SH3BP4: variants seen among roughly 807,000 people sequenced by gnomAD.
SH3BP4 encodes SH3 domain binding protein 4.
A neutral mutation model predicts 65.5 loss-of-function variants in SH3BP4; 33 were observed. That is an observed-to-expected ratio of 0.50 (90% confidence interval 0.38 to 0.67). The LOEUF (loss-of-function observed/expected upper bound fraction) is 0.67. Ranked by LOEUF, SH3BP4 falls within the 30% of genes least tolerant of loss-of-function variation. The pLI is 0.00. For missense variants in SH3BP4, 1,134 were observed against 1,261.4 expected (o/e 0.90, Z 1.53); for synonymous variants, 552 against 545.5 (o/e 1.01, Z -0.17).
intron 1 of SH3BP4, among the ~76,000 whole-genome samples, chr2:234,988,720 G>A (rs1036460031): frequency 1.3e-5 from 2 of 152,142 alleles, no homozygotes; most frequent in Non-Finnish European, 2.9e-5. Flanking sequence ...CGGTGTGTAG[G>A]GGGGACGCAT....
chr2:235,016,776 TG>T (rs1694696878), intron 2 of SH3BP4, among the ~76,000 whole-genome samples: 1 of 152,268 alleles, frequency 6.6e-6, no homozygotes, highest in South Asian at 2.1e-4. Context: ...CCCGAAGTGC[TG>T]GGATAACAGG....
chr2:235,031,823 A>G (rs1176737601), intron 2 of SH3BP4, among the ~76,000 whole-genome samples: 2 of 152,242 alleles, frequency 1.3e-5, no homozygotes. Context: ...CCTAGGCCCC[A>G]CCAGGGCTGG....
rs1361531086 is a variant in SH3BP4, at chr2:234,952,784, G to A, written c.-207+614G>A. 2 of 152,204 alleles carry A rather than the reference G, an allele frequency of 1.3e-5. No homozygotes were observed. Among genetic ancestry groups the A allele is most frequent in the Non-Finnish European group, 2.9e-5 (2 of 68,042 alleles). 9.4% of individuals were successfully genotyped at this position (152,204 alleles called of 1,614,324 possible). On this transcript the variant is annotated intron_variant, in intron 1 of 5. Transcript: ENST00000392011. The surrounding 1 kb of genome is among the most constrained non-coding windows in gnomAD (Gnocchi z 6.5). ...GGCGATCGGGTGACCGAGCAGCCGC[G>A]AGGTGACAGCGCCGGCGGCCCGCGG...
In SH3BP4 at chr2:235,034,698, C is replaced by T. The variant is rs538012395; in HGVS notation, c.-132-173C>T. ...GCCAATGAGACAAGCACAAAGTGGG[C>T]ACAGAGGCCAAGGAGCAAGCGCTGC... is the stretch of plus-strand genomic sequence containing the variant. On this transcript the variant is annotated intron_variant, in intron 2 of 5. Coordinates refer to ENST00000392011, the MANE Select transcript of SH3BP4 (RefSeq NM_014521.3). This position sits in a 1 kb window ranked among gnomAD's most constrained non-coding sequence, Gnocchi z 6.2. 5.3e-5 allele frequency among the ~76,000 whole-genome samples: 8 copies of T among 152,294 alleles called. No individual in the cohort carries two copies. Among genetic ancestry groups the T allele is most frequent in the African/African-American group, 1.4e-4 (6 of 41,560 alleles).
chr2:235,044,697 C>T (rs1484755140), intron 4 of SH3BP4, among the ~76,000 whole-genome samples: 1 of 152,230 alleles, frequency 6.6e-6, no homozygotes, highest in Admixed American at 6.5e-5. Context: ...TCTGGGAGAG[C>T]CCAGAGTGTC....
chr2:235,050,845 G>T (rs1293731418), intron 4 of SH3BP4, among the ~76,000 whole-genome samples: 2 of 152,100 alleles, frequency 1.3e-5, no homozygotes, highest in Middle Eastern at 3.2e-3. Context: ...TGGCGGGGGT[G>T]GGGGGTTGTT....
chr2:235,038,354 AT>A (rs1314166536), intron 3 of SH3BP4, among the ~76,000 whole-genome samples: 35 of 21,528 alleles, frequency 1.6e-3, no homozygotes, highest in African/African-American at 9.4e-3. Context: ...TATATTTTAT[AT>A]ATATATATAT....
At chr2:235,024,877 C>T (rs10166724) in intron 2 of SH3BP4, among the ~76,000 whole-genome samples, 3,858 of 152,134 alleles carry the variant, frequency 0.025, 167 homozygotes, top group African/African-American at 0.087. Context: ...CGAAGCTTTG[C>T]GGTCTTAAGT....
chr2:234,993,710 C>G (rs1693824450), intron 1 of SH3BP4, among the ~76,000 whole-genome samples: 1 of 152,216 alleles, frequency 6.6e-6, no homozygotes, highest in African/African-American at 2.4e-5. Context: ...CTTGACATGA[C>G]TCTTTGGAGA....
chr2:234,970,463 T>C (rs2106247021), intron 1 of SH3BP4, among the ~76,000 whole-genome samples: 1 of 152,338 alleles, frequency 6.6e-6, no homozygotes, highest in South Asian at 2.1e-4. Flanking sequence ...AAATGAGCAG[T>C]TTAGACAGTT....
intron 1 of SH3BP4, among the ~76,000 whole-genome samples, chr2:234,970,889 G>C (rs967879823): frequency 6.6e-6 from 1 of 151,744 alleles, no homozygotes; most frequent in South Asian, 2.1e-4. Context: ...AGGTTATCAC[G>C]CCCAGATTGA....
intron 2 of SH3BP4, chr2:234,995,924 A>C (rs1693901513): frequency 6.6e-6 from 1 of 152,286 alleles, no homozygotes; most frequent in Non-Finnish European, 1.5e-5. Context: ...CTGGCAAAAA[A>C]TGTTCCAAGG....
At chr2:235,010,541 G>C (rs900163497) in intron 2 of SH3BP4, among the ~76,000 whole-genome samples, 12 of 152,188 alleles carry the variant, frequency 7.9e-5, no homozygotes, top group Non-Finnish European at 1.8e-4. Flanking sequence ...AAAGCTTTTA[G>C]AATGGTGCCT....
chr2:234,955,278 C>G (rs1692561056), intron 1 of SH3BP4, among the ~76,000 whole-genome samples: 1 of 152,182 alleles, frequency 6.6e-6, no homozygotes, highest in Admixed American at 6.5e-5. Flanking sequence ...AACGTTTACA[C>G]TCAGCTTCTG....
At position 234,957,919 on chromosome 2, in the gene SH3BP4, G is replaced by A. The variant is rs1692624493; in HGVS notation, c.-207+5749G>A. The stretch of plus-strand genomic sequence containing the variant: ...GGTGAGGAAGTGCTGGGCTAGGAGA[G>A]GCAGGCGGAGCCCATCTTCCCCCCA... On this transcript the variant is annotated intron_variant, in intron 1 of 5. Coordinates refer to ENST00000392011, the MANE Select transcript of SH3BP4 (RefSeq NM_014521.3). 1.2e-4 allele frequency among the ~76,000 whole-genome samples: 19 copies of A among 152,160 alleles called. 1 individual carries two copies. The highest frequency in any genetic ancestry group is 1.2e-3 in the Admixed American group (18 of 15,280).
At chr2:234,979,856 C>G (rs571154284) in intron 1 of SH3BP4, 2 of 147,156 alleles carry the variant, frequency 1.4e-5, no homozygotes, top group African/African-American at 5.1e-5. Flanking sequence ...GACCCCTCCC[C>G]AGTCTAGCCT....
At chr2:235,005,125 C>T in intron 2 of SH3BP4, among the ~76,000 whole-genome samples, 1 of 152,204 alleles carries the variant, frequency 6.6e-6, no homozygotes, top group East Asian at 1.9e-4. Context: ...GCAGGATAGT[C>T]AACAACAGAC....
At position 235,052,473 on chromosome 2, in the gene SH3BP4, A is replaced by T. The variant is rs1179552081; in HGVS notation, c.2479-89A>T. On this transcript the variant is annotated intron_variant, in intron 4 of 5. Coordinates refer to ENST00000392011, the MANE Select transcript of SH3BP4 (RefSeq NM_014521.3). The surrounding 1 kb of genome is among the most constrained non-coding windows in gnomAD (Gnocchi z 5.0). ...CATGGAGAATAGAGAGCCCATGGCC[A>T]TTCCTGCGCCGTCTGCTGGAATTCT... 1.9e-6 allele frequency: 2 copies of T among 1,080,108 alleles called. No individual in the cohort carries two copies. The highest frequency in any genetic ancestry group is 5.7e-5 in the Admixed American group (2 of 35,234). The allele number at this position is 1,080,108 out of a possible 1,614,324, so 66.9% of individuals were successfully genotyped here.
Position 235,046,977 on chromosome 2 carries a change from G to A in SH3BP4, c.2478+3730G>A, listed in dbSNP as rs1361990798. ...GCACTCAGAGCACCCCTCTGTCCTG[G>A]CCACTTCTCTCCCACCAGAGCCTCT... On this transcript the variant is annotated intron_variant, in intron 4 of 5. Coordinates refer to ENST00000392011, the MANE Select transcript of SH3BP4 (RefSeq NM_014521.3). This position sits in a 1 kb window ranked among gnomAD's most constrained non-coding sequence, Gnocchi z 4.2. Among the ~76,000 whole-genome samples, 3 of 152,134 alleles carry A rather than the reference G, an allele frequency of 2.0e-5. No individual in the cohort carries two copies. The highest frequency in any genetic ancestry group is 2.9e-5 in the Non-Finnish European group (2 of 68,026).
Sources: gnomAD v4.1 joint callset for allele counts (sites outside exome capture counted in the v4.1 genomes callset) on GRCh38, gnomAD v4.1.1 for gene constraint, Gnocchi (gnomAD v3.1) non-coding constraint, MANE v1.5 for transcripts, NCBI Gene and HGNC (gene_info 2026-07-23, HGNC 2026-07-21) for gene names.